MGAT5B: variants seen among roughly 807,000 people sequenced by gnomAD.
MGAT5B encodes the protein N-acetylglucosaminyl-transferase Vb.
Under a neutral mutation model 95.1 loss-of-function variants are expected in MGAT5B, and 54 were observed. The ratio of observed to expected loss-of-function variants is 0.57; its 90% CI spans 0.46 to 0.71. The LOEUF (loss-of-function observed/expected upper bound fraction) is 0.71. Among genes scored for constraint, MGAT5B ranks in the 30% least tolerant of loss-of-function variants. The pLI is 0.00. For synonymous variants in MGAT5B, 464 were observed against 451.0 expected (o/e 1.03, Z -0.36); for missense variants, 935 against 1,088.6 (o/e 0.86, Z 1.99).
intron 3 of MGAT5B, among the ~76,000 whole-genome samples, chr17:76,885,816 A>C (rs556561229): frequency 1.3e-5 from 2 of 152,232 alleles, no homozygotes; most frequent in East Asian, 3.9e-4. Flanking sequence ...CCCCCTCCGC[A>C]CCCTGAACCT....
chr17:76,940,757 A>G lies in MGAT5B; in HGVS notation c.1757A>G (p.Glu586Gly). 1 of 1,614,136 alleles carries G rather than the reference A, an allele frequency of 6.2e-7. No homozygotes were observed. The highest frequency in any genetic ancestry group is 8.5e-7 in the Non-Finnish European group (1 of 1,180,032). ...REVFSQHPYA[E>G]NFIGKPHVWT... Reference sequence around the variant, plus strand: ...GTGTTCTCCCAGCATCCCTACGCGGAGAACTTCATCGGCAAGCCCCACGTG... The same window carrying G: ...GTGTTCTCCCAGCATCCCTACGCGGGGAACTTCATCGGCAAGCCCCACGTG... The change falls in exon 15 of 18, where the codon GAG becomes GGG. Residue 586 changes from glutamate to glycine, a missense_variant. By Grantham distance (98) the Glu-to-Gly change is moderately conservative. This residue lies in a region of MGAT5B where 440 missense variants were observed against 523.6 expected (regional missense o/e 0.84). Coordinates refer to ENST00000569840, the MANE Select transcript of MGAT5B (RefSeq NM_001199172.2). The surrounding 1 kb of genome is among the most constrained non-coding windows in gnomAD (Gnocchi z 4.3).
At chr17:76,896,485 C>G (rs987248876) in intron 3 of MGAT5B, among the ~76,000 whole-genome samples, 4 of 152,212 alleles carry the variant, frequency 2.6e-5, no homozygotes, top group African/African-American at 9.7e-5. Flanking sequence ...GATGCTTCCT[C>G]TCAGGAATGG....
chr17:76,933,577 G>A (rs1489874045), intron 12 of MGAT5B, among the ~76,000 whole-genome samples: 3 of 152,064 alleles, frequency 2.0e-5, no homozygotes, highest in Non-Finnish European at 4.4e-5. Flanking sequence ...AGGGACCAGC[G>A]TTGGATGGGT....
In MGAT5B at chr17:76,938,655, T is replaced by G. The variant is rs939222381; in HGVS notation, c.1584+512T>G. Among the ~76,000 whole-genome samples the G allele has an allele frequency of 2.6e-5, 4 of 151,284 alleles. No individual in the cohort carries two copies. The highest frequency in any genetic ancestry group is 1.3e-4 in the Admixed American group (2 of 15,178). ...TGGAGTATCAGCTGAGGCTGGAGAG[T>G]CTCCAGCCAGCTTCTAGGCACCCCC... is the stretch of plus-strand genomic sequence containing the variant. On this transcript the variant is annotated intron_variant, in intron 13 of 17. Coordinates refer to ENST00000569840, the MANE Select transcript of MGAT5B (RefSeq NM_001199172.2). The surrounding 1 kb of genome is among the most constrained non-coding windows in gnomAD (Gnocchi z 4.3).
rs1970132773 is a variant in MGAT5B, at chr17:76,949,295, C to G, written c.*457C>G. The G allele has an allele frequency of 5.9e-6, 1 of 168,674 alleles. No homozygotes were observed. The highest frequency in any genetic ancestry group is 1.6e-4 in the South Asian group (1 of 6,326). The allele number at this position is 168,674 out of a possible 1,614,324, so 10.4% of individuals were successfully genotyped here. A position where few individuals can be genotyped will look rare whatever the true frequency, so the allele number is the denominator to read the frequency against. On this transcript the variant is annotated 3_prime_UTR_variant, in exon 18 of 18. Coordinates refer to ENST00000569840, the MANE Select transcript of MGAT5B (RefSeq NM_001199172.2). ...GAAGGGTCCAAGGAGGGGCCCTCCC[C>G]ATGGCCCTGGAGAGTGGGCCTGGGT... is the stretch of plus-strand genomic sequence containing the variant.
At position 76,938,320 on chromosome 17, in the gene MGAT5B, C is replaced by A. The variant is rs1969742223; in HGVS notation, c.1584+177C>A. On this transcript the variant is annotated intron_variant, in intron 13 of 17. Coordinates refer to ENST00000569840, the MANE Select transcript of MGAT5B (RefSeq NM_001199172.2). This position sits in a 1 kb window ranked among gnomAD's most constrained non-coding sequence, Gnocchi z 4.3. ...CAGGGGCAGAGATGTGGGTGCCCAC[C>A]AGGCAGGAGAGGTCCTATAGAGAAA... Among the ~76,000 whole-genome samples the A allele has an allele frequency of 6.6e-6, 1 of 152,214 alleles. No individual in the cohort carries two copies. Among genetic ancestry groups the A allele is most frequent in the Non-Finnish European group, 1.5e-5 (1 of 68,048 alleles).
intron 13 of MGAT5B, among the ~76,000 whole-genome samples, chr17:76,939,857 T>G (rs200310291): frequency 4.5e-5 from 1 of 22,430 alleles, no homozygotes; most frequent in Non-Finnish European, 9.6e-5. Context: ...TGATTTTGTT[T>G]TTTTTTATGT....
chr17:76,887,502 TCTCCCTCC>T lies in MGAT5B; in HGVS notation c.329+5227_329+5234del, dbSNP rs869081945. ...CCCTCCCTCCCTCCCTCCCTTCCTCTCTCCCTCCCTCCCTCCCTCCCTCCCTCCCTTCC... is the reference window on the plus strand; with the variant it reads ...CCCTCCCTCCCTCCCTCCCTTCCTCTCTCCCTCCCTCCCTCCCTCCCTTCC... On this transcript the variant is annotated intron_variant, in intron 3 of 17. Coordinates refer to ENST00000569840, the MANE Select transcript of MGAT5B (RefSeq NM_001199172.2). 2.5e-4 allele frequency among the ~76,000 whole-genome samples: 8 copies of T among 32,114 alleles called. No homozygotes were observed. The East Asian group carries it at 6.3e-3, about 25-fold the overall frequency. 21.1% of individuals were successfully genotyped at this position (32,114 alleles called of 152,430 possible).
intron 11 of MGAT5B, 71 bp from the exon 12 acceptor site, chr17:76,933,221 G>A: frequency 6.3e-7 from 1 of 1,592,544 alleles, no homozygotes. Flanking sequence ...TGCATGGGGT[G>A]TTGTCTGCGA....
intron 15 of MGAT5B, chr17:76,943,914 A>G (rs1165358530): frequency 6.6e-6 from 1 of 152,092 alleles, no homozygotes; most frequent in Admixed American, 6.5e-5. Context: ...AGGTGAGAAG[A>G]GGGAGGTCTA....
At chr17:76,947,120 G>A (rs139563581) in intron 16 of MGAT5B, among the ~76,000 whole-genome samples, 4 of 152,260 alleles carry the variant, frequency 2.6e-5, no homozygotes, top group Admixed American at 6.5e-5. Flanking sequence ...TGCAGGCCCC[G>A]GGTGTCCAGG....
At chr17:76,880,037 A>G (rs1399345696) in intron 2 of MGAT5B, among the ~76,000 whole-genome samples, 3 of 151,652 alleles carry the variant, frequency 2.0e-5, no homozygotes, top group South Asian at 4.2e-4. Context: ...TTGAAAATCC[A>G]CTCTGTTTTC....
chr17:76,943,008 G>C (rs527750596), intron 15 of MGAT5B, among the ~76,000 whole-genome samples: 1 of 151,070 alleles, frequency 6.6e-6, no homozygotes, highest in African/African-American at 2.4e-5. Context: ...CTAAAAGAGC[G>C]AGACACTCCA....
At chr17:76,925,188 C>T (rs2145238150) in intron 9 of MGAT5B, 91 bp downstream of exon 9, 2 of 1,532,368 alleles carry the variant, frequency 1.3e-6, no homozygotes, top group East Asian at 4.5e-5. Flanking sequence ...CCCACTCAGC[C>T]AGCTGGGCCC....
intron 8 of MGAT5B, among the ~76,000 whole-genome samples, chr17:76,919,638 C>T (rs1004575113): frequency 6.6e-6 from 1 of 152,152 alleles, no homozygotes; most frequent in Non-Finnish European, 1.5e-5. Context: ...GCCATGTCAT[C>T]CAGGCTGGTC....
At chr17:76,879,926 G>A (rs145811901) in intron 2 of MGAT5B, among the ~76,000 whole-genome samples, 104 of 152,322 alleles carry the variant, frequency 6.8e-4, no homozygotes, top group Non-Finnish European at 1.2e-3. Flanking sequence ...CAGATTAACC[G>A]ATTGAGTGTG....
chr17:76,932,687 A>T lies in MGAT5B; in HGVS notation c.1334A>T (p.Glu445Val). The T allele has an allele frequency of 6.2e-7, 1 of 1,613,974 alleles. No individual in the cohort carries two copies. Residue 445 changes from glutamate (E) to valine (V), a missense_variant, in exon 11 of 18, where the codon GAG (glutamate) becomes GTG (valine). Physicochemically the swap from Glu to Val is moderately radical, Grantham distance 121. Transcript: ENST00000569840. Reference sequence around the variant, plus strand: ...TCCTTCATGGGCTTCGTGTCCGAGGAGCTCAACGAGACGGAGAAGCGGCTC... The same window carrying T: ...TCCTTCATGGGCTTCGTGTCCGAGGTGCTCAACGAGACGGAGAAGCGGCTC... ...DNSFMGFVSEELNETEKRLIK... is the reference protein window; with the variant it reads ...DNSFMGFVSEVLNETEKRLIK...
chr17:76,934,586 A>G (rs1473649286), intron 12 of MGAT5B, among the ~76,000 whole-genome samples: 1 of 152,164 alleles, frequency 6.6e-6, no homozygotes, highest in Non-Finnish European at 1.5e-5. Flanking sequence ...AGCTGTGGGC[A>G]CTGGGTGCTG....
intron 8 of MGAT5B, chr17:76,923,701 C>T (rs936234514): frequency 1.3e-5 from 2 of 152,274 alleles, no homozygotes; most frequent in African/African-American, 2.4e-5. Context: ...GCTTGTGCTC[C>T]TGGGGCTGGG....
Sources: allele counts gnomAD v4.1 joint callset (sites outside exome capture counted in the v4.1 genomes callset), GRCh38; gene constraint gnomAD v4.1.1; regional missense constraint gnomAD v4.1.1; non-coding constraint Gnocchi (gnomAD v3.1); transcripts MANE v1.5; gene names NCBI Gene and HGNC (gene_info 2026-07-23, HGNC 2026-07-21).